Variants in PARD3B observed in about 807,000 individuals in gnomAD.
PARD3B encodes the protein partitioning defective 3 homolog B.
PARD3B carries 103 observed loss-of-function variants against 130.2 expected under a neutral mutation model. The observed-to-expected ratio is 0.79, with a 90% CI of 0.67 to 0.93. The LOEUF (loss-of-function observed/expected upper bound fraction) is 0.93, where lower values mean the gene tolerates loss of function less well. Ranked by LOEUF, PARD3B falls within the 40% of genes least tolerant of loss-of-function variation. The probability of loss-of-function intolerance (pLI) is 0.00; values close to 1 mark genes in which losing one functional copy is unlikely to be tolerated. For missense variants in PARD3B, 1,609 were observed against 1,499.2 expected, an observed-to-expected ratio of 1.07 and a Z score of -1.21; for synonymous variants, 583 against 553.2, an observed-to-expected ratio of 1.05 and a Z score of -0.76.
chr2:204,549,116 C>T (rs2030240023), intron 1 of PARD3B, among the ~76,000 whole-genome samples: 1 of 152,184 alleles, frequency 6.6e-6, no homozygotes, highest in African/African-American at 2.4e-5. Flanking sequence ...CCTGAATCAA[C>T]ATCAGATAAG....
chr2:204,690,363 A>G (rs1385001104), intron 2 of PARD3B, among the ~76,000 whole-genome samples: 3 of 152,198 alleles, frequency 2.0e-5, no homozygotes, highest in Non-Finnish European at 4.4e-5. Flanking sequence ...TATGAATGTT[A>G]CATGACACAG....
At chr2:205,102,177 G>A (rs13003093) in intron 4 of PARD3B, among the ~76,000 whole-genome samples, 40,331 of 151,924 alleles carry the variant, frequency 0.27, 6,128 homozygotes, top group Admixed American at 0.43. Context: ...CTGGCTCAGA[G>A]AAACTGTGAG....
intron 20 of PARD3B, among the ~76,000 whole-genome samples, chr2:205,451,601 C>A (rs2048106549): frequency 6.6e-6 from 1 of 151,684 alleles, no homozygotes; most frequent in Non-Finnish European, 1.5e-5. Flanking sequence ...ATTATGTAGA[C>A]CCTCTTTTAT....
chr2:205,026,793 T>C (rs907747574), intron 3 of PARD3B, among the ~76,000 whole-genome samples: 1 of 152,196 alleles, frequency 6.6e-6, no homozygotes, highest in East Asian at 1.9e-4. Flanking sequence ...TCTTTTGGTG[T>C]CTGGCTTATT....
chr2:204,545,948 G>C lies in PARD3B; in HGVS notation c.-52G>C, dbSNP rs541577270. On this transcript the variant is annotated 5_prime_UTR_variant, in exon 1 of 23. Transcript: ENST00000406610. The stretch of plus-strand genomic sequence containing the variant: ...TCCTCCGAGAGTGGGGGCTGCGCCC[G>C]CGGGGTCAGACACCTGTTCGGCCCG... 3.9e-5 allele frequency: 57 copies of C among 1,478,110 alleles called. No individual in the cohort carries two copies. In the East Asian group the frequency reaches 1.5e-3, roughly 39 times the overall value. The allele number at this position is 1,478,110 out of a possible 1,614,324, so 91.6% of individuals were successfully genotyped here. A position where few individuals can be genotyped will look rare whatever the true frequency, so the allele number is the denominator to read the frequency against.
At chr2:205,129,919 T>C (rs2031838792) in intron 10 of PARD3B, among the ~76,000 whole-genome samples, 1 of 152,204 alleles carries the variant, frequency 6.6e-6, no homozygotes. Flanking sequence ...TGTGCTGAAC[T>C]CCTATATTCT....
At chr2:205,173,062 T>G (rs990262462) in intron 12 of PARD3B, among the ~76,000 whole-genome samples, 1 of 152,080 alleles carries the variant, frequency 6.6e-6, no homozygotes, top group African/African-American at 2.4e-5. Flanking sequence ...GCTCATAAAA[T>G]AATTTTAGAA....
At chr2:204,682,101 A>T (rs777154859) in intron 1 of PARD3B, among the ~76,000 whole-genome samples, 17 of 152,112 alleles carry the variant, frequency 1.1e-4, no homozygotes, top group Non-Finnish European at 2.1e-4. Flanking sequence ...GGTGCATCAT[A>T]CAAAAGGCCA....
chr2:205,440,630 C>T lies in PARD3B; in HGVS notation c.3002C>T (p.Ala1001Val), dbSNP rs750694559. ...PERDHLEGLY[A>V]KVNKPYHPLV... Reference sequence around the variant, plus strand: ...AGAGACCACTTAGAGGGTCTCTATGCCAAGGTCAACAAGCCATACCATCCA... The same window carrying T: ...AGAGACCACTTAGAGGGTCTCTATGTCAAGGTCAACAAGCCATACCATCCA... The change falls in exon 20 of 23, where the codon GCC (alanine) becomes GTC (valine). Residue 1001 changes from alanine (A) to valine (V), a missense_variant. Physicochemically the swap from Ala to Val is moderately conservative, Grantham distance 64 (BLOSUM62 0). Transcript: ENST00000406610. This position sits in a 1 kb window ranked among gnomAD's most constrained non-coding sequence, Gnocchi z 4.2. 1.2e-6 allele frequency: 2 copies of T among 1,613,752 alleles called. No individual in the cohort carries two copies. Among genetic ancestry groups the T allele is most frequent in the Non-Finnish European group, 1.7e-6 (2 of 1,179,834 alleles).
intron 2 of PARD3B, among the ~76,000 whole-genome samples, chr2:204,944,702 A>G (rs1191366935): frequency 6.6e-6 from 1 of 152,208 alleles, no homozygotes; most frequent in East Asian, 1.9e-4. Flanking sequence ...TAAATTTTAG[A>G]AAAGCTTTAT....
chr2:205,518,720 T>G (rs2050899229), intron 21 of PARD3B, among the ~76,000 whole-genome samples: 1 of 152,216 alleles, frequency 6.6e-6, no homozygotes, highest in African/African-American at 2.4e-5. Flanking sequence ...CTGGTAGCAG[T>G]CTTCCCTTTC....
intron 15 of PARD3B, among the ~76,000 whole-genome samples, chr2:205,221,177 T>C (rs1349560027): frequency 6.6e-6 from 1 of 152,138 alleles, no homozygotes; most frequent in African/African-American, 2.4e-5. Flanking sequence ...TCTGTCAAGG[T>C]GAGAGCTGGA....
intron 1 of PARD3B, among the ~76,000 whole-genome samples, chr2:204,616,032 T>C (rs2034098660): frequency 6.6e-6 from 1 of 152,118 alleles, no homozygotes; most frequent in Non-Finnish European, 1.5e-5. Context: ...TCTTAGGACA[T>C]AGGAGAAAAC....
rs543283380 is a variant in PARD3B at position 204,653,492 on chromosome 2, A to T, written c.121-32689A>T. Among the ~76,000 whole-genome samples, 72 of 150,580 alleles carry T rather than the reference A, an allele frequency of 4.8e-4. 2 individuals are homozygous for T. The East Asian group carries it at 0.011, about 23-fold the overall frequency. On this transcript the variant is annotated intron_variant, in intron 1 of 22. Coordinates refer to ENST00000406610, the MANE Select transcript of PARD3B (RefSeq NM_001302769.2). ...TCTATGGCAGCTTTAGGTCAGTCTT[A>T]AAAAAAATGTTGAAAGGGCCAGGCA...
intron 18 of PARD3B, among the ~76,000 whole-genome samples, chr2:205,380,856 A>G (rs1272511608): frequency 9.8e-6 from 1 of 102,532 alleles, no homozygotes; most frequent in Non-Finnish European, 1.7e-5. Flanking sequence ...TAAAGAATAC[A>G]TTATATATAA....
At chr2:204,965,455 A>G (rs1559307352) in intron 3 of PARD3B, 132 bp downstream of exon 3, 1 of 978,252 alleles carries the variant, frequency 1.0e-6, no homozygotes, top group African/African-American at 1.7e-5. Flanking sequence ...TCTTTAAATT[A>G]TTTTTTTACA....
At chr2:204,976,960 T>C (rs1237034875) in intron 3 of PARD3B, among the ~76,000 whole-genome samples, 1 of 152,242 alleles carries the variant, frequency 6.6e-6, no homozygotes, top group Middle Eastern at 3.4e-3. Flanking sequence ...TATTCCACTT[T>C]CAACTTTCAA....
At chr2:205,383,134 A>C (rs946474352) in intron 18 of PARD3B, among the ~76,000 whole-genome samples, 308 of 139,290 alleles carry the variant, frequency 2.2e-3, no homozygotes, top group East Asian at 6.5e-3. Context: ...ATAGATAGAT[A>C]GATAGATCGA....
Position 204,678,249 on chromosome 2 carries a change from CG to C in PARD3B, c.121-7929del, listed in dbSNP as rs2036649001. On this transcript the variant is annotated intron_variant, in intron 1 of 22. Transcript: ENST00000406610. The surrounding 1 kb of genome is among the most constrained non-coding windows in gnomAD (Gnocchi z 4.2). ...TGCTGGCAGGACCAAACCCAGTAAC[CG>C]GGCCCGTGGTAGCAATCAGTGGTTG... Among the ~76,000 whole-genome samples, 1 of 152,054 alleles carries C rather than the reference CG, an allele frequency of 6.6e-6. No homozygotes were observed. The highest frequency in any genetic ancestry group is 2.1e-4 in the South Asian group (1 of 4,822).
Sources: gnomAD v4.1 joint callset for allele counts (sites outside exome capture counted in the v4.1 genomes callset) on GRCh38, gnomAD v4.1.1 for gene constraint, Gnocchi (gnomAD v3.1) non-coding constraint, MANE v1.5 for transcripts, NCBI Gene and HGNC (gene_info 2026-07-23, HGNC 2026-07-21) for gene names.